Variants in IDE observed in about 807,000 individuals in gnomAD.
The protein encoded by IDE is insulin degrading enzyme, also known as insulin-degrading enzyme.
In IDE, 58 loss-of-function variants were observed where a neutral mutation model predicts 133.2. The ratio of observed to expected loss-of-function variants is 0.44; its 90% CI spans 0.35 to 0.54. The LOEUF is 0.54. Ranked by LOEUF, IDE falls within the 20% of genes least tolerant of loss-of-function variation. The pLI, the probability that IDE is intolerant of heterozygous loss-of-function variation, is 0.00. For missense variants in IDE, 981 were observed against 1,234.0 expected, an observed-to-expected ratio of 0.79 and a Z score of 3.07; for synonymous variants, 396 against 421.3, an observed-to-expected ratio of 0.94 and a Z score of 0.73.
At position 92,509,982 on chromosome 10, in the gene IDE, T is replaced by C. The variant is rs1030903436; in HGVS notation, c.897+68A>G. On this transcript the variant is annotated intron_variant, in intron 6 of 24. Transcript: ENST00000265986. ...AACCTCCAAAAATTTTCACCTGTTC[T>C]ATGGTAAACTAGGTATATATTATGT... 10 of 697,752 alleles carry C rather than the reference T, an allele frequency of 1.4e-5. No homozygotes were observed. The African/African-American group carries it at 1.8e-4, about 13-fold the overall frequency. 43.2% of individuals were successfully genotyped at this position (697,752 alleles called of 1,614,324 possible). A position where few individuals can be genotyped will look rare whatever the true frequency, so the allele number is the denominator to read the frequency against.
Position 92,487,334 on chromosome 10 carries a change from AAC to A in IDE, c.1534-18_1534-17del, listed in dbSNP as rs1847061984. The A allele has an allele frequency of 6.2e-7, 1 of 1,606,370 alleles. No homozygotes were observed. Among genetic ancestry groups the A allele is most frequent in the African/African-American group, 1.3e-5 (1 of 74,698 alleles). Reference sequence around the variant, plus strand: ...TTTGCCATTTCTGGATGAATAATGAAACACACAAATGCAGTAAGAGTCTGATT... The same window carrying A: ...TTTGCCATTTCTGGATGAATAATGAAACACAAATGCAGTAAGAGTCTGATT... On this transcript the variant is annotated splice_polypyrimidine_tract_variant and intron_variant, in intron 12 of 24. Coordinates refer to ENST00000265986, the MANE Select transcript of IDE (RefSeq NM_004969.4).
intron 11 of IDE, among the ~76,000 whole-genome samples, chr10:92,499,976 A>G (rs1228262414): frequency 1.3e-5 from 2 of 152,120 alleles, no homozygotes; most frequent in Non-Finnish European, 2.9e-5. Flanking sequence ...TCCATTCTCA[A>G]TTATGTTGAT....
intron 14 of IDE, 152 bp from the exon 15 acceptor site, chr10:92,479,573 A>T (rs548649753): frequency 1.6e-6 from 1 of 621,756 alleles, no homozygotes; most frequent in Non-Finnish European, 2.8e-6. Context: ...GAGGAAAAAA[A>T]AGAAGATGTC....
At position 92,451,918 on chromosome 10, in the gene IDE, T is replaced by G. The variant is rs561366334; in HGVS notation, c.*2526A>C. 6.6e-6 allele frequency: 1 copy of G among 152,348 alleles called. No homozygotes were observed. The highest frequency in any genetic ancestry group is 2.1e-4 in the South Asian group (1 of 4,830). 9.4% of individuals were successfully genotyped at this position (152,348 alleles called of 1,614,324 possible). A position where few individuals can be genotyped will look rare whatever the true frequency, so the allele number is the denominator to read the frequency against. On this transcript the variant is annotated 3_prime_UTR_variant, in exon 25 of 25. Coordinates refer to ENST00000265986, the MANE Select transcript of IDE (RefSeq NM_004969.4). ...AGAAATATTTTTTCTATCCTTTTTA[T>G]TTTCATCCCTGTAAGGGCAGGAACA...
At position 92,463,353 on chromosome 10, in the gene IDE, G is replaced by A. The variant is rs566124237; in HGVS notation, c.2761+378C>T. On this transcript the variant is annotated intron_variant, in intron 21 of 24. Transcript: ENST00000265986. ...TTTGAACTCCTGTGCCTCAAGGGCA[G>A]CATTTGCCTCAAAGGGGTTCAATCT... 1.6e-4 allele frequency among the ~76,000 whole-genome samples: 24 copies of A among 152,342 alleles called. 2 individuals carry two copies. In the South Asian group the frequency reaches 5.0e-3, roughly 32 times the overall value.
chr10:92,560,474 G>C (rs1843221968), intron 1 of IDE, among the ~76,000 whole-genome samples: 1 of 152,126 alleles, frequency 6.6e-6, no homozygotes, highest in Non-Finnish European at 1.5e-5. Context: ...AGCAACTCAA[G>C]AGATGCCTCA....
intron 5 of IDE, among the ~76,000 whole-genome samples, chr10:92,514,453 T>A (rs577668854): frequency 2.8e-4 from 42 of 152,258 alleles, no homozygotes; most frequent in African/African-American, 7.2e-5. Context: ...TGTTTTTTTT[T>A]AATATGAGAT....
At chr10:92,571,178 A>AT (rs1191959618) in intron 1 of IDE, among the ~76,000 whole-genome samples, 1 of 151,390 alleles carries the variant, frequency 6.6e-6, no homozygotes, top group Non-Finnish European at 1.5e-5. Context: ...CGCCCGGCTA[A>AT]TTTTTTTGTA....
intron 5 of IDE, among the ~76,000 whole-genome samples, chr10:92,512,194 C>A (rs1848667496): frequency 6.6e-6 from 1 of 152,156 alleles, no homozygotes; most frequent in South Asian, 2.1e-4. Context: ...CAGGCAAGAA[C>A]AGAAAAACTT....
chr10:92,517,257 C>T (rs1248015529), intron 4 of IDE, among the ~76,000 whole-genome samples: 2 of 152,148 alleles, frequency 1.3e-5, no homozygotes, highest in Non-Finnish European at 2.9e-5. Flanking sequence ...GATTCCTGTC[C>T]CAGAATGCTT....
At chr10:92,515,439 T>C (rs1848857774) in intron 4 of IDE, among the ~76,000 whole-genome samples, 1 of 151,126 alleles carries the variant, frequency 6.6e-6, no homozygotes, top group East Asian at 2.0e-4. Context: ...TTTTGTATTT[T>C]TAGTAGAGAT....
At chr10:92,459,577 T>C (rs1344708700) in intron 22 of IDE, among the ~76,000 whole-genome samples, 1 of 152,178 alleles carries the variant, frequency 6.6e-6, no homozygotes, top group Non-Finnish European at 1.5e-5. Context: ...TAAGGTACTA[T>C]GGTAATCACA....
At chr10:92,507,772 GA>G (rs1425216038) in intron 8 of IDE, 106 bp from the exon 9 acceptor site, 7 of 726,800 alleles carry the variant, frequency 9.6e-6, no homozygotes, top group Non-Finnish European at 1.7e-5. Flanking sequence ...GTCCCTCTTA[GA>G]AAATGCAGTC....
At chr10:92,464,628 G>C (rs1276030572) in intron 20 of IDE, among the ~76,000 whole-genome samples, 1 of 152,156 alleles carries the variant, frequency 6.6e-6, no homozygotes, top group African/African-American at 2.4e-5. Flanking sequence ...TGGTGCCTCT[G>C]GGTCTCACTT....
chr10:92,497,673 C>T (rs1847787570), intron 11 of IDE: 1 of 971,374 alleles, frequency 1.0e-6, no homozygotes, highest in African/African-American at 1.8e-5. Context: ...TAATCTTACC[C>T]TTGAGCCACC....
chr10:92,537,984 G>A (rs564339719), intron 1 of IDE, among the ~76,000 whole-genome samples: 1 of 152,080 alleles, frequency 6.6e-6, no homozygotes, highest in East Asian at 1.9e-4. Context: ...TCATCCTCCT[G>A]TCTCAGTCCC....
chr10:92,474,714 A>G (rs1846155364), intron 17 of IDE, 127 bp downstream of exon 17: 1 of 786,444 alleles, frequency 1.3e-6, no homozygotes, highest in African/African-American at 1.8e-5. Context: ...TTTATAAAAC[A>G]TATACACAGC....
chr10:92,563,976 T>G (rs964792681), intron 1 of IDE, among the ~76,000 whole-genome samples: 1 of 152,168 alleles, frequency 6.6e-6, no homozygotes, highest in Non-Finnish European at 1.5e-5. Flanking sequence ...ATTCTAGAGC[T>G]AGATGGAGGG....
intron 15 of IDE, among the ~76,000 whole-genome samples, chr10:92,477,955 C>A (rs1287001604): frequency 1.3e-5 from 2 of 152,110 alleles, no homozygotes; most frequent in Non-Finnish European, 2.9e-5. Flanking sequence ...ATTTAAAATT[C>A]CTACAATCTT....
Sources: allele counts gnomAD v4.1 joint callset (sites outside exome capture counted in the v4.1 genomes callset), GRCh38; gene constraint gnomAD v4.1.1; transcripts MANE v1.5; gene names NCBI Gene and HGNC (gene_info 2026-07-23, HGNC 2026-07-21).